Variants in ZFYVE9 observed in about 807,000 individuals in gnomAD.
ZFYVE9 encodes the protein zinc finger FYVE domain-containing protein 9.
Under a neutral mutation model 126.7 loss-of-function variants are expected in ZFYVE9, and 43 were observed. The observed-to-expected ratio is 0.34, with a 90% CI of 0.27 to 0.44. ZFYVE9 has a LOEUF of 0.44. Ranked by LOEUF, ZFYVE9 falls within the 20% of genes least tolerant of loss-of-function variation. The pLI is 1.00. For synonymous variants in ZFYVE9, 521 were observed against 597.4 expected, an observed-to-expected ratio of 0.87 and a Z score of 1.87; for missense variants, 1,476 against 1,697.0, an observed-to-expected ratio of 0.87 and a Z score of 2.29.
At chr1:52,328,566 G>A (rs1027276736) in intron 13 of ZFYVE9, among the ~76,000 whole-genome samples, 4 of 152,140 alleles carry the variant, frequency 2.6e-5, no homozygotes, top group Non-Finnish European at 4.4e-5. Context: ...TTCCTTTGAG[G>A]CCAGCTAATT....
intron 12 of ZFYVE9, 123 bp downstream of exon 12, chr1:52,296,100 T>C: frequency 1.5e-6 from 1 of 685,736 alleles, no homozygotes; most frequent in Admixed American, 2.8e-5. Flanking sequence ...AGATATATGC[T>C]GAAGAAAAAG....
In ZFYVE9 at chr1:52,274,480, T is replaced by G; in HGVS notation, c.2642T>G (p.Phe881Cys). 1 of 1,610,414 alleles carries G rather than the reference T, an allele frequency of 6.2e-7. No individual in the cohort carries two copies. Residue 881 changes from phenylalanine to cysteine, a missense_variant, in exon 8 of 19, where the codon TTC becomes TGC. Phe to Cys is a radical substitution (Grantham distance 205). This residue lies in a region of ZFYVE9 where 669 missense variants were observed against 902.4 expected (regional missense o/e 0.74). Transcript: ENST00000287727. The stretch of plus-strand genomic sequence containing the variant: ...TTTTCCTAGACGGATATTTGTCTAT[T>G]CTCTGGGAGTATAACTCAGGTTGGA... ...PLPAETDICL[F>C]SGSITQVGSP... is the part of the protein sequence containing the mutation.
intron 7 of ZFYVE9, 56 bp from the exon 8 acceptor site, chr1:52,274,408 C>T (rs1021362893): frequency 1.3e-6 from 2 of 1,482,102 alleles, no homozygotes; most frequent in African/African-American, 1.4e-5. Context: ...TTAATTATGT[C>T]CTGCCAAAGT....
chr1:52,199,652 G>T (rs1047010270), intron 1 of ZFYVE9, among the ~76,000 whole-genome samples: 4 of 152,208 alleles, frequency 2.6e-5, no homozygotes, highest in Non-Finnish European at 5.9e-5. Flanking sequence ...TCTATGTGCA[G>T]GTTTTTGTGT....
chr1:52,194,904 T>C (rs1437266828), intron 1 of ZFYVE9, among the ~76,000 whole-genome samples: 3 of 152,164 alleles, frequency 2.0e-5, no homozygotes, highest in Admixed American at 6.5e-5. Context: ...AGACAGCAAG[T>C]CTAGATGTAC....
At chr1:52,206,101 G>GA (rs1005171071) in intron 1 of ZFYVE9, among the ~76,000 whole-genome samples, 8 of 150,966 alleles carry the variant, frequency 5.3e-5, no homozygotes, top group African/African-American at 7.3e-5. Context: ...AGCTAAGTTA[G>GA]AAAAAAAAAT....
At chr1:52,200,718 A>G (rs951114084) in intron 1 of ZFYVE9, among the ~76,000 whole-genome samples, 2 of 152,070 alleles carry the variant, frequency 1.3e-5, no homozygotes, top group African/African-American at 4.8e-5. Context: ...CTTTTTTTAT[A>G]TGTTGGATGT....
intron 10 of ZFYVE9, among the ~76,000 whole-genome samples, chr1:52,284,483 T>C (rs1473583223): frequency 6.6e-6 from 1 of 151,770 alleles, no homozygotes; most frequent in Non-Finnish European, 1.5e-5. Context: ...GCAGTGGCGC[T>C]ATCTCAGCTC....
chr1:52,325,524 TAAAAAC>T (rs956431532), intron 13 of ZFYVE9, among the ~76,000 whole-genome samples: 20 of 152,044 alleles, frequency 1.3e-4, no homozygotes, highest in Admixed American at 3.9e-4. Context: ...TCTCAAGAAA[TAAAAAC>T]AAAAACAGAA....
intron 4 of ZFYVE9, among the ~76,000 whole-genome samples, chr1:52,241,962 TA>T (rs1204845019): frequency 6.6e-6 from 1 of 151,324 alleles, no homozygotes; most frequent in Non-Finnish European, 1.5e-5. Flanking sequence ...GTCTAATATA[TA>T]AAAGGTTCTA....
At chr1:52,224,271 G>T (rs1190929470) in intron 2 of ZFYVE9, among the ~76,000 whole-genome samples, 2 of 152,090 alleles carry the variant, frequency 1.3e-5, no homozygotes, top group South Asian at 2.1e-4. Flanking sequence ...ATGGGGCAGG[G>T]TTATATGGGA....
At chr1:52,278,397 C>T (rs939514252) in intron 8 of ZFYVE9, 95 bp from the exon 9 acceptor site, 1 of 1,501,470 alleles carries the variant, frequency 6.7e-7, no homozygotes, top group Admixed American at 1.7e-5. Context: ...AAATGCATGT[C>T]TCTTTTCTGT....
intron 1 of ZFYVE9, among the ~76,000 whole-genome samples, chr1:52,147,047 A>G: frequency 6.6e-6 from 1 of 152,188 alleles, no homozygotes; most frequent in Non-Finnish European, 1.5e-5. Flanking sequence ...TGTTTCATGT[A>G]CAAAATTATT....
At chr1:52,181,939 C>T (rs1029402486) in intron 1 of ZFYVE9, among the ~76,000 whole-genome samples, 4 of 152,018 alleles carry the variant, frequency 2.6e-5, no homozygotes, top group East Asian at 2.0e-4. Flanking sequence ...GCCACCCCGT[C>T]GGGGAGGGAG....
chr1:52,278,440 T>G (rs963521068), intron 8 of ZFYVE9, 52 bp from the exon 9 acceptor site: 2 of 1,606,716 alleles, frequency 1.2e-6, no homozygotes, highest in African/African-American at 2.7e-5. Flanking sequence ...TCTGATCTCT[T>G]TCTTGATTTG....
At chr1:52,288,946 A>AG (rs1244817674) in intron 10 of ZFYVE9, among the ~76,000 whole-genome samples, 1 of 150,948 alleles carries the variant, frequency 6.6e-6, no homozygotes, top group Non-Finnish European at 1.5e-5. Flanking sequence ...AAAAAAAAAA[A>AG]GAAAAAGAAA....
Position 52,157,494 on chromosome 1 carries a change from C to T in ZFYVE9, c.-143+15091C>T, listed in dbSNP as rs183795788. On this transcript the variant is annotated intron_variant, in intron 1 of 18. Coordinates refer to ENST00000287727, the MANE Select transcript of ZFYVE9 (RefSeq NM_004799.4). Reference sequence around the variant, plus strand: ...CAGCTCACTGCAACCTCCACCTCCCCGTGTTCAAGTGATTCTCCTGCCTCA... The same window carrying T: ...CAGCTCACTGCAACCTCCACCTCCCTGTGTTCAAGTGATTCTCCTGCCTCA... Among the ~76,000 whole-genome samples, 160 of 149,524 alleles carry T rather than the reference C, an allele frequency of 1.1e-3. 2 individuals carry two copies. Among genetic ancestry groups the T allele is most frequent in the African/African-American group, 3.6e-3 (145 of 40,780 alleles).
intron 1 of ZFYVE9, among the ~76,000 whole-genome samples, chr1:52,204,902 C>G (rs1031765278): frequency 3.9e-5 from 6 of 152,032 alleles, no homozygotes; most frequent in Non-Finnish European, 8.8e-5. Flanking sequence ...GCAGAGTTGT[C>G]CACACTAAGC....
intron 1 of ZFYVE9, among the ~76,000 whole-genome samples, chr1:52,176,839 G>A (rs1445795310): frequency 2.6e-5 from 4 of 152,276 alleles, no homozygotes; most frequent in Non-Finnish European, 4.4e-5. Flanking sequence ...TCCTAAGCCC[G>A]TCAGAAAAGC....
Sources: allele counts gnomAD v4.1 joint callset (sites outside exome capture counted in the v4.1 genomes callset), GRCh38; gene constraint gnomAD v4.1.1; regional missense constraint gnomAD v4.1.1; transcripts MANE v1.5; gene names NCBI Gene and HGNC (gene_info 2026-07-23, HGNC 2026-07-21).